KCTD1: variants seen among roughly 807,000 people sequenced by gnomAD.
KCTD1 encodes BTB/POZ domain-containing protein KCTD1.
KCTD1 carries 24 observed loss-of-function variants against 66.0 expected under a neutral mutation model. That is an observed-to-expected ratio of 0.36 (90% CI 0.26 to 0.51). KCTD1 has a LOEUF of 0.51. Among genes scored for constraint, KCTD1 ranks in the 20% least tolerant of loss-of-function variants. The probability of loss-of-function intolerance (pLI) is 0.95; values close to 1 mark genes in which losing one functional copy is unlikely to be tolerated. For synonymous variants in KCTD1, 511 were observed against 517.2 expected (o/e 0.99, Z 0.16); for missense variants, 943 against 1,205.2 (o/e 0.78, Z 3.22).
chr18:26,471,373 G>A (rs1054987062), intron 3 of KCTD1, among the ~76,000 whole-genome samples: 2 of 151,964 alleles, frequency 1.3e-5, no homozygotes, highest in African/African-American at 4.8e-5. Flanking sequence ...TATATAACAA[G>A]CTGTGGGCTG....
chr18:26,634,161 A>G (rs1987675768), upstream of KCTD1, among the ~76,000 whole-genome samples: 2 of 152,200 alleles, frequency 1.3e-5, no homozygotes, highest in African/African-American at 4.8e-5. Flanking sequence ...TAAATATAGC[A>G]TTATTCAGGG....
intron 1 of KCTD1, among the ~76,000 whole-genome samples, chr18:26,558,622 C>T (rs549274560): frequency 6.6e-6 from 1 of 152,188 alleles, no homozygotes; most frequent in Non-Finnish European, 1.5e-5. Flanking sequence ...TACTATTCAG[C>T]CATAAAAAAG....
rs1452481217 is a variant in KCTD1, at chr18:26,535,118, GGT to G, written c.1809+11608_1809+11609del. Among the ~76,000 whole-genome samples, 22 of 133,420 alleles carry G rather than the reference GGT, an allele frequency of 1.6e-4. 1 individual carries two copies. The highest frequency in any genetic ancestry group is 5.7e-4 in the African/African-American group (20 of 34,808). 87.5% of individuals were successfully genotyped at this position (133,420 alleles called of 152,430 possible). On this transcript the variant is annotated intron_variant, in intron 1 of 4. Transcript: ENST00000580059. ...GAAAGGCCTGGGGTTGGGGGGTGGG[GGT>G]GGAGCTGCCATCCTGTGCCAAGAGG...
chr18:26,582,160 C>A (rs1418665986), intron 1 of KCTD1, among the ~76,000 whole-genome samples: 7 of 150,984 alleles, frequency 4.6e-5, no homozygotes, highest in Non-Finnish European at 1.0e-4. Flanking sequence ...GTGGTCTCAG[C>A]TTCTCTGAGG....
rs140169448 is a variant in KCTD1 at position 26,589,045 on chromosome 18, G to T, written c.-16+40102C>A. On this transcript the variant is annotated intron_variant, in intron 1 of 4. Coordinates refer to the KCTD1 transcript ENST00000317932. ...CAGAGCAGGGATAAATACTCTCTAA[G>T]GATCCCTCTCCTAGGCATATGTGTA... 6.6e-3 allele frequency among the ~76,000 whole-genome samples: 1,009 copies of T among 151,996 alleles called. 18 individuals are homozygous for T. Among genetic ancestry groups the T allele is most frequent in the African/African-American group, 0.023 (952 of 41,280 alleles).
intron 1 of KCTD1, among the ~76,000 whole-genome samples, chr18:26,592,096 AC>A (rs1282423964): frequency 6.6e-6 from 1 of 152,192 alleles, no homozygotes; most frequent in African/African-American, 2.4e-5. Flanking sequence ...GAAAGTCTTT[AC>A]CATGTGTAAT....
At chr18:26,589,091 G>T (rs1443053082) in intron 1 of KCTD1, among the ~76,000 whole-genome samples, 2 of 152,182 alleles carry the variant, frequency 1.3e-5, no homozygotes, top group East Asian at 3.9e-4. Flanking sequence ...AGGATATGAA[G>T]GGAGATACCT....
intron 1 of KCTD1, among the ~76,000 whole-genome samples, chr18:26,541,188 G>C (rs936776578): frequency 2.0e-5 from 3 of 152,162 alleles, no homozygotes; most frequent in African/African-American, 7.2e-5. Flanking sequence ...GCAGCCCACA[G>C]GATTAAACAC....
At chr18:26,470,127 C>A (rs1166377075) in intron 3 of KCTD1, among the ~76,000 whole-genome samples, 2 of 152,176 alleles carry the variant, frequency 1.3e-5, no homozygotes, top group African/African-American at 4.8e-5. Flanking sequence ...CCCATCCATG[C>A]GTTCATTCAC....
intron 1 of KCTD1, among the ~76,000 whole-genome samples, chr18:26,539,546 A>G (rs1984872591): frequency 6.6e-6 from 1 of 152,216 alleles, no homozygotes; most frequent in Admixed American, 6.5e-5. Flanking sequence ...CTACAGAACC[A>G]GTTAGAGATT....
chr18:26,512,728 C>G (rs1983401427), intron 1 of KCTD1, among the ~76,000 whole-genome samples: 1 of 152,120 alleles, frequency 6.6e-6, no homozygotes, highest in Non-Finnish European at 1.5e-5. Context: ...TGTCTGGAAT[C>G]CCAGCACTTT....
At chr18:26,499,869 A>G (rs1458970203) in intron 2 of KCTD1, among the ~76,000 whole-genome samples, 1 of 152,182 alleles carries the variant, frequency 6.6e-6, no homozygotes, top group Non-Finnish European at 1.5e-5. Flanking sequence ...CTCCTCCCCT[A>G]TCCACCAGCA....
At chr18:26,524,166 C>T (rs1026957011) in intron 1 of KCTD1, among the ~76,000 whole-genome samples, 5 of 152,228 alleles carry the variant, frequency 3.3e-5, no homozygotes, top group African/African-American at 1.2e-4. Context: ...CTAGACCTCA[C>T]CAGGCACACA....
At chr18:26,656,564 G>C (rs1276739883) in intron 1 of KCTD1, among the ~76,000 whole-genome samples, 1 of 150,228 alleles carries the variant, frequency 6.7e-6, no homozygotes, top group Non-Finnish European at 1.5e-5. Flanking sequence ...GCCGGGCACC[G>C]GCCGCGGCCC....
rs1981372275 is a variant in KCTD1, at chr18:26,476,783, G to C, written c.1989-124C>G. 2 of 776,508 alleles carry C rather than the reference G, an allele frequency of 2.6e-6. No individual in the cohort carries two copies. The highest frequency in any genetic ancestry group is 1.8e-5 in the African/African-American group (1 of 55,836). 48.1% of individuals were successfully genotyped at this position (776,508 alleles called of 1,614,324 possible). A position where few individuals can be genotyped will look rare whatever the true frequency, so the allele number is the denominator to read the frequency against. On this transcript the variant is annotated intron_variant, in intron 2 of 4. Coordinates refer to ENST00000580059, the MANE Select transcript of KCTD1 (RefSeq NM_001142730.3). This position sits in a 1 kb window ranked among gnomAD's most constrained non-coding sequence, Gnocchi z 4.9. ...GAAGATGGCAGTAGGGAAAAATTAC[G>C]ATTGTCTGCAAAGTGTTGGTCCCCG...
chr18:26,506,503 C>T (rs913303029), intron 1 of KCTD1, among the ~76,000 whole-genome samples: 1 of 152,148 alleles, frequency 6.6e-6, no homozygotes, highest in African/African-American at 2.4e-5. Context: ...TGGGAGAGCA[C>T]ATGGTACCTT....
At chr18:26,606,234 C>A (rs551749834) in intron 1 of KCTD1, among the ~76,000 whole-genome samples, 82 of 152,118 alleles carry the variant, frequency 5.4e-4, no homozygotes, top group Non-Finnish European at 1.0e-3. Flanking sequence ...TTTCTTAAGG[C>A]CTGTGTTGAT....
intron 2 of KCTD1, among the ~76,000 whole-genome samples, chr18:26,493,729 T>G (rs1982325824): frequency 6.6e-6 from 1 of 152,236 alleles, no homozygotes; most frequent in East Asian, 1.9e-4. Context: ...TTAGTTATTT[T>G]AAAATGTACA....
chr18:26,513,670 A>C (rs1983474472), intron 1 of KCTD1, among the ~76,000 whole-genome samples: 1 of 152,230 alleles, frequency 6.6e-6, no homozygotes, highest in Admixed American at 6.5e-5. Context: ...TAATCTATGC[A>C]GTCGGACCAG....
Sources: gnomAD v4.1 joint callset for allele counts (sites outside exome capture counted in the v4.1 genomes callset) on GRCh38, gnomAD v4.1.1 for gene constraint, Gnocchi (gnomAD v3.1) non-coding constraint, MANE v1.5 for transcripts, NCBI Gene and HGNC (gene_info 2026-07-23, HGNC 2026-07-21) for gene names.